The following PLCB4 variants were observed in gnomAD, a reference collection of about 807,000 sequenced individuals.
PLCB4 encodes phospholipase C beta 4, also known as 1-phosphatidylinositol 4,5-bisphosphate phosphodiesterase beta-4.
A neutral mutation model predicts 178.8 loss-of-function variants in PLCB4; 77 were observed. The observed-to-expected ratio is 0.43, with a 90% CI of 0.36 to 0.52. The LOEUF (loss-of-function observed/expected upper bound fraction) is 0.52. Among genes scored for constraint, PLCB4 ranks in the 20% least tolerant of loss-of-function variants. The pLI, the probability that PLCB4 is intolerant of heterozygous loss-of-function variation, is 0.00. For synonymous variants in PLCB4, 496 were observed against 490.8 expected, an observed-to-expected ratio of 1.01 and a Z score of -0.14; for missense variants, 1,024 against 1,453.4, an observed-to-expected ratio of 0.70 and a Z score of 4.80.
chr20:9,214,124 A>G (rs2093702481), intron 2 of PLCB4, among the ~76,000 whole-genome samples: 1 of 152,108 alleles, frequency 6.6e-6, no homozygotes, highest in African/African-American at 2.4e-5. Context: ...GGTTCGACTT[A>G]TCTTCTTTTT....
chr20:9,413,944 G>T (rs1254149934), intron 25 of PLCB4, among the ~76,000 whole-genome samples: 1 of 152,086 alleles, frequency 6.6e-6, no homozygotes, highest in Non-Finnish European at 1.5e-5. Flanking sequence ...TACAGATGGG[G>T]TTTCACCATG....
At chr20:9,134,053 G>A (rs371490109) in intron 2 of PLCB4, among the ~76,000 whole-genome samples, 2 of 152,182 alleles carry the variant, frequency 1.3e-5, no homozygotes, top group Admixed American at 6.5e-5. Flanking sequence ...CCCCAAGGCG[G>A]CATTAACATT....
At chr20:9,284,606 A>G (rs974664243) in intron 3 of PLCB4, among the ~76,000 whole-genome samples, 1 of 151,922 alleles carries the variant, frequency 6.6e-6, no homozygotes, top group African/African-American at 2.4e-5. Flanking sequence ...CTCCAACATT[A>G]AGTGGATTTC....
At chr20:9,086,579 C>T (rs1454306386) in intron 1 of PLCB4, among the ~76,000 whole-genome samples, 2 of 152,162 alleles carry the variant, frequency 1.3e-5, no homozygotes, top group South Asian at 2.1e-4. Context: ...GGCCACATAA[C>T]TAGCAAGTTG....
chr20:9,101,888 G>A (rs545980026), intron 2 of PLCB4, among the ~76,000 whole-genome samples: 56 of 149,108 alleles, frequency 3.8e-4, no homozygotes, highest in African/African-American at 9.4e-4. Flanking sequence ...TCTGTCACCC[G>A]GGTTGGAGTG....
At position 9,273,675 on chromosome 20, in the gene PLCB4, AGTGTGTGT is replaced by A. The variant is rs398035325; in HGVS notation, c.-15-34088_-15-34081del. ...AATACAGACTGGTTATTATGGTTGC[AGTGTGTGT>A]GTGTGTGTGTGTGTGTGTGTGTGTG... On this transcript the variant is annotated intron_variant, in intron 3 of 39. Transcript: ENST00000378473. 3.7e-3 allele frequency among the ~76,000 whole-genome samples: 507 copies of A among 135,942 alleles called. 2 individuals carry two copies. The highest frequency in any genetic ancestry group is 0.011 in the African/African-American group (412 of 36,418). The allele number at this position is 135,942 out of a possible 152,430, so 89.2% of individuals were successfully genotyped here. A position where few individuals can be genotyped will look rare whatever the true frequency, so the allele number is the denominator to read the frequency against.
intron 7 of PLCB4, among the ~76,000 whole-genome samples, chr20:9,344,818 T>G (rs2033629487): frequency 6.6e-6 from 1 of 152,192 alleles, no homozygotes; most frequent in African/African-American, 2.4e-5. Context: ...TTTGGATCAT[T>G]ATGTCCTGCT....
chr20:9,387,004 G>A (rs1346476425), intron 14 of PLCB4, among the ~76,000 whole-genome samples: 1 of 151,086 alleles, frequency 6.6e-6, no homozygotes, highest in Non-Finnish European at 1.5e-5. Flanking sequence ...CAATTCTCAT[G>A]CCTTAGCCTC....
intron 17 of PLCB4, 125 bp downstream of exon 17, chr20:9,390,740 G>A (rs2038072373): frequency 9.2e-6 from 5 of 543,508 alleles, no homozygotes; most frequent in South Asian, 2.6e-5. Flanking sequence ...TCTTTGGTAC[G>A]GAAAGCTTAC....
chr20:9,102,247 A>G (rs558948290), intron 2 of PLCB4, among the ~76,000 whole-genome samples: 12 of 152,340 alleles, frequency 7.9e-5, no homozygotes, highest in Admixed American at 5.9e-4. Context: ...TCATAAATGT[A>G]TAGAAAATGG....
intron 28 of PLCB4, among the ~76,000 whole-genome samples, chr20:9,434,396 G>A (rs368238564): frequency 6.6e-6 from 1 of 151,990 alleles, no homozygotes; most frequent in East Asian, 1.9e-4. Flanking sequence ...TTTTTTCTGA[G>A]ACGGAGTCTC....
chr20:9,425,433 A>C (rs193037764), intron 28 of PLCB4, among the ~76,000 whole-genome samples: 263 of 152,354 alleles, frequency 1.7e-3, no homozygotes, highest in Middle Eastern at 3.4e-3. Flanking sequence ...GAACTAAGCC[A>C]CTCGAATAGA....
At chr20:9,465,179 C>T (rs1277932798) in intron 35 of PLCB4, among the ~76,000 whole-genome samples, 1 of 152,130 alleles carries the variant, frequency 6.6e-6, no homozygotes, top group African/African-American at 2.4e-5. Flanking sequence ...GAACCAATAA[C>T]AAAAACCACA....
In PLCB4 at chr20:9,118,928, A is replaced by G. The variant is rs769721732; in HGVS notation, c.-79+22586A>G. The stretch of plus-strand genomic sequence containing the variant: ...ATTAAGGCTCTCATGTGCTCTGAGC[A>G]TCTTGCTAGGATGAGAAAAATAAGA... On this transcript the variant is annotated intron_variant, in intron 2 of 39. Transcript: ENST00000378473. Among the ~76,000 whole-genome samples, 6 of 152,176 alleles carry G rather than the reference A, an allele frequency of 3.9e-5. No individual in the cohort carries two copies. The South Asian group carries it at 1.2e-3, about 32-fold the overall frequency.
chr20:9,261,647 T>C (rs2094298868), intron 3 of PLCB4, among the ~76,000 whole-genome samples: 1 of 152,208 alleles, frequency 6.6e-6, no homozygotes, highest in Non-Finnish European at 1.5e-5. Flanking sequence ...TTACTTGACT[T>C]TGAGTATGTA....
At chr20:9,087,819 G>T (rs1252549111) in intron 1 of PLCB4, among the ~76,000 whole-genome samples, 1 of 152,158 alleles carries the variant, frequency 6.6e-6, no homozygotes, top group Non-Finnish European at 1.5e-5. Flanking sequence ...GCCATTATTT[G>T]CTTTGAGCAC....
chr20:9,420,637 C>A (rs910001514), intron 26 of PLCB4, among the ~76,000 whole-genome samples: 1 of 152,124 alleles, frequency 6.6e-6, no homozygotes, highest in Admixed American at 6.5e-5. Flanking sequence ...CCTAATTGTA[C>A]ATTTTAAATG....
In PLCB4 at chr20:9,457,486, T is replaced by G. The variant is rs1261674499; in HGVS notation, c.3069T>G (p.Ser1023=). ...KIQTLTSDHK[S]KVKEIVAQHT... is the part of the protein sequence containing the mutation. ...AGACGCTGACATCAGATCACAAATC[T>G]AAGGTAAGAAAATGCCCATTTTTAC... The change falls in exon 34 of 40, where the codon TCT becomes TCG. Residue 1023 remains serine (S), a synonymous_variant. Coordinates refer to ENST00000378473, the MANE Select transcript of PLCB4 (RefSeq NM_001377142.1). 1 of 1,480,140 alleles carries G rather than the reference T, an allele frequency of 6.8e-7. No homozygotes were observed. The highest frequency in any genetic ancestry group is 9.5e-7 in the Non-Finnish European group (1 of 1,058,150). 91.7% of individuals were successfully genotyped at this position (1,480,140 alleles called of 1,614,324 possible).
intron 2 of PLCB4, among the ~76,000 whole-genome samples, chr20:9,129,173 A>G (rs2092209716): frequency 6.6e-6 from 1 of 152,086 alleles, no homozygotes; most frequent in Admixed American, 6.5e-5. Flanking sequence ...TTTGGTACTT[A>G]GCATTTTTAT....
Sources: allele counts gnomAD v4.1 joint callset (sites outside exome capture counted in the v4.1 genomes callset), GRCh38; gene constraint gnomAD v4.1.1; transcripts MANE v1.5; gene names NCBI Gene and HGNC (gene_info 2026-07-23, HGNC 2026-07-21).